FAM178B: variants seen among roughly 807,000 people sequenced by gnomAD.
FAM178B encodes protein FAM178B.
In FAM178B, 82 loss-of-function variants were observed where a neutral mutation model predicts 91.7. The observed-to-expected ratio is 0.89, with a 90% confidence interval of 0.75 to 1.07. FAM178B has a LOEUF of 1.07. FAM178B is among the 50% of genes least tolerant of loss of function. FAM178B has a pLI of 0.00. For synonymous variants in FAM178B, 368 were observed against 359.4 expected (o/e 1.02, Z -0.27); for missense variants, 769 against 846.7 (o/e 0.91, Z 1.14).
chr2:96,942,403 T>C (rs1168019936), intron 8 of FAM178B, among the ~76,000 whole-genome samples: 1 of 152,036 alleles, frequency 6.6e-6, no homozygotes, highest in Non-Finnish European at 1.5e-5. Context: ...GCCAAAACAA[T>C]TTTTTTTCAG....
At chr2:96,902,835 C>A (rs2080959688) in intron 12 of FAM178B, 128 bp from the exon 13 acceptor site, 1 of 660,582 alleles carries the variant, frequency 1.5e-6, no homozygotes, top group African/African-American at 1.8e-5. Flanking sequence ...CAGCAAAGGG[C>A]TTTCTCCATT....
chr2:96,968,873 T>G (rs944163342), intron 4 of FAM178B, among the ~76,000 whole-genome samples: 1 of 152,166 alleles, frequency 6.6e-6, no homozygotes, highest in Non-Finnish European at 1.5e-5. Flanking sequence ...CATGCACATC[T>G]CATCTTGGCT....
rs1343519533 is a variant in FAM178B, at chr2:96,972,093, C to T, written c.372G>A (p.Gln124=). The change falls in exon 3 of 17, where the codon CAG becomes CAA. Residue 124 remains glutamine (Q), a synonymous_variant. Transcript: ENST00000490605. ...TCTGGGCCGGGGCCTCCCGACTGGC[C>T]TGCAGCACCCTCGGGTTGAGGAATT... ...PVEFLNPRVL[Q]ASREAPAQRW... 6.5e-7 allele frequency: 1 copy of T among 1,528,106 alleles called. No individual in the cohort carries two copies. The highest frequency in any genetic ancestry group is 1.2e-5 in the South Asian group (1 of 80,014). The allele number at this position is 1,528,106 out of a possible 1,614,324, so 94.7% of individuals were successfully genotyped here.
intron 5 of FAM178B, among the ~76,000 whole-genome samples, chr2:96,961,755 A>G (rs2082084633): frequency 6.6e-6 from 1 of 152,068 alleles, no homozygotes; most frequent in African/African-American, 2.4e-5. Context: ...CCACCAACCT[A>G]GCACATGGAA....
chr2:96,882,588 G>A (rs1035848348), intron 14 of FAM178B, among the ~76,000 whole-genome samples: 3 of 152,198 alleles, frequency 2.0e-5, no homozygotes, highest in Admixed American at 6.5e-5. Flanking sequence ...TCCCTTCCAC[G>A]AGGCAGGAGA....
At chr2:96,891,114 G>C (rs970297165) in intron 14 of FAM178B, among the ~76,000 whole-genome samples, 1 of 150,770 alleles carries the variant, frequency 6.6e-6, no homozygotes, top group East Asian at 1.9e-4. Context: ...CAGGACACAC[G>C]GCCAGTGCAG....
At chr2:96,885,508 C>T (rs539719037) in intron 14 of FAM178B, among the ~76,000 whole-genome samples, 303 of 152,326 alleles carry the variant, frequency 2.0e-3, no homozygotes, top group African/African-American at 6.4e-3. Flanking sequence ...GAGGCCATGG[C>T]GCATGGGGCT....
intron 12 of FAM178B, among the ~76,000 whole-genome samples, chr2:96,913,900 C>T (rs1319531070): frequency 3.9e-5 from 6 of 152,292 alleles, no homozygotes; most frequent in South Asian, 4.1e-4. Context: ...TGCCTGACTC[C>T]CGGCTTCTGT....
chr2:96,933,273 T>A (rs2081572186), intron 8 of FAM178B, among the ~76,000 whole-genome samples: 2 of 151,902 alleles, frequency 1.3e-5, no homozygotes, highest in African/African-American at 4.8e-5. Context: ...ATTAAAAAAA[T>A]TTGCCAGCAT....
At chr2:96,880,652 T>C (rs1375239790) in intron 14 of FAM178B, among the ~76,000 whole-genome samples, 1 of 152,046 alleles carries the variant, frequency 6.6e-6, no homozygotes, top group Non-Finnish European at 1.5e-5. Flanking sequence ...TGTAGTGCAG[T>C]GGCGCAATCT....
At chr2:96,948,664 G>T (rs151028746) in intron 7 of FAM178B, among the ~76,000 whole-genome samples, 2 of 152,334 alleles carry the variant, frequency 1.3e-5, no homozygotes, top group East Asian at 3.9e-4. Flanking sequence ...TGTGGGCACT[G>T]TGGGCACATC....
chr2:96,895,268 C>G (rs1574206913), intron 13 of FAM178B: 1 of 419,136 alleles, frequency 2.4e-6, no homozygotes, highest in East Asian at 7.5e-5. Flanking sequence ...ATCAACGAGA[C>G]TTCCTTATCA....
chr2:96,943,934 GACATCTCACATAA>G (rs1384969274), intron 8 of FAM178B, among the ~76,000 whole-genome samples: 2 of 152,076 alleles, frequency 1.3e-5, no homozygotes, highest in African/African-American at 4.8e-5. Flanking sequence ...TTACCAACAG[GACATCTCACATAA>G]ACATCTATAT....
chr2:96,878,813 G>C (rs1192156048), intron 14 of FAM178B, among the ~76,000 whole-genome samples: 1 of 152,214 alleles, frequency 6.6e-6, no homozygotes, highest in Non-Finnish European at 1.5e-5. Context: ...CCTTGTGCTG[G>C]GGCAGCAGAA....
intron 12 of FAM178B, among the ~76,000 whole-genome samples, chr2:96,919,883 G>T (rs925288854): frequency 6.6e-6 from 1 of 152,208 alleles, no homozygotes; most frequent in Non-Finnish European, 1.5e-5. Flanking sequence ...GCACTGAAGC[G>T]GAGCCCAGGA....
chr2:96,962,497 AG>A (rs2082095575), intron 5 of FAM178B, among the ~76,000 whole-genome samples: 1 of 151,912 alleles, frequency 6.6e-6, no homozygotes, highest in African/African-American at 2.4e-5. Context: ...TAATCTACAA[AG>A]GGGTCCTGTC....
At chr2:96,890,301 TATAA>T (rs137945714) in intron 14 of FAM178B, among the ~76,000 whole-genome samples, 11,917 of 151,952 alleles carry the variant, frequency 0.078, 495 homozygotes, top group Middle Eastern at 0.15. Context: ...AATCAAGCAA[TATAA>T]ATAAATAAAT....
At chr2:96,906,918 G>A (rs367917270) in intron 12 of FAM178B, among the ~76,000 whole-genome samples, 7 of 152,194 alleles carry the variant, frequency 4.6e-5, no homozygotes, top group African/African-American at 1.7e-4. Context: ...TGAGGCCTGC[G>A]CGGGAGCTCG....
intron 4 of FAM178B, among the ~76,000 whole-genome samples, chr2:96,970,478 A>C (rs888010788): frequency 6.6e-6 from 1 of 152,208 alleles, no homozygotes; most frequent in South Asian, 2.1e-4. Context: ...GAATGGAGCC[A>C]AGGTGGAGAG....
Sources: allele counts gnomAD v4.1 joint callset (sites outside exome capture counted in the v4.1 genomes callset), GRCh38; gene constraint gnomAD v4.1.1; transcripts MANE v1.5; gene names NCBI Gene and HGNC (gene_info 2026-07-23, HGNC 2026-07-21).